SGCG: variants seen among roughly 807,000 people sequenced by gnomAD.
SGCG encodes gamma-sarcoglycan.
SGCG carries 26 observed loss-of-function variants against 29.3 expected under a neutral mutation model. That is an observed-to-expected ratio of 0.89 (90% CI 0.65 to 1.23). The LOEUF (loss-of-function observed/expected upper bound fraction) is 1.23, where lower values mean the gene tolerates loss of function less well. Among genes scored for constraint, SGCG ranks in the 50% most tolerant of loss-of-function variants. The pLI is 0.00. For missense variants in SGCG, 353 were observed against 356.0 expected (o/e 0.99, Z 0.07); for synonymous variants, 145 against 129.7 (o/e 1.12, Z -0.80).
chr13:23,199,107 CAAA>C (rs35004017), intron 1 of SGCG, among the ~76,000 whole-genome samples: 5 of 137,598 alleles, frequency 3.6e-5, no homozygotes, highest in South Asian at 2.3e-4. Context: ...GACTCCGTCT[CAAA>C]AAAAAAAAAA....
At chr13:23,178,152 C>T (rs1387275785), upstream of SGCG, among the ~76,000 whole-genome samples, 1 of 152,112 alleles carries the variant, frequency 6.6e-6, no homozygotes, top group Non-Finnish European at 1.5e-5. Flanking sequence ...CTCTGGCAGT[C>T]CCTAGGTGTG....
intron 3 of SGCG, among the ~76,000 whole-genome samples, chr13:23,242,669 T>A (rs1044080013): frequency 6.6e-6 from 1 of 152,130 alleles, no homozygotes. Context: ...AAAGGCATCA[T>A]TAGCTAATGA....
chr13:23,275,371 C>T (rs1566026603), intron 4 of SGCG, among the ~76,000 whole-genome samples: 1 of 151,644 alleles, frequency 6.6e-6, no homozygotes, highest in African/African-American at 2.4e-5. Flanking sequence ...AAAAGTCAGC[C>T]GGGTGCCTAT....
At chr13:23,171,717 A>G in the SGCG span, among the ~76,000 whole-genome samples, 2 of 152,186 alleles carry the variant, frequency 1.3e-5, no homozygotes, top group Admixed American at 6.5e-5. Context: ...GATGGATGCC[A>G]CCTAGATCCC....
chr13:23,250,001 C>G (rs1357362886), intron 3 of SGCG, among the ~76,000 whole-genome samples: 1 of 152,142 alleles, frequency 6.6e-6, no homozygotes, highest in Non-Finnish European at 1.5e-5. Context: ...CTATTGTTTA[C>G]TGATACATAA....
In SGCG at chr13:23,226,936, C is replaced by T. The variant is rs114025586; in HGVS notation, c.196-7675C>T. The stretch of plus-strand genomic sequence containing the variant: ...TCCTTTTATATGTGGGAAGCTGTCC[C>T]GGAATGAGGCAGCTGGCAAATTTTA... On this transcript the variant is annotated intron_variant, in intron 2 of 7. Coordinates refer to ENST00000218867, the MANE Select transcript of SGCG (RefSeq NM_000231.3). Among the ~76,000 whole-genome samples, 423 of 152,264 alleles carry T rather than the reference C, an allele frequency of 2.8e-3. 4 individuals carry two copies. Among genetic ancestry groups the T allele is most frequent in the African/African-American group, 9.9e-3 (410 of 41,540 alleles).
At chr13:23,246,547 T>C (rs1341000845) in intron 3 of SGCG, 2 of 156,040 alleles carry the variant, frequency 1.3e-5, no homozygotes, top group East Asian at 3.6e-4. Flanking sequence ...GGAGCATCCG[T>C]TGAAAGATGA....
At chr13:23,262,344 A>AT (rs1413788302) in intron 4 of SGCG, among the ~76,000 whole-genome samples, 1 of 152,038 alleles carries the variant, frequency 6.6e-6, no homozygotes, top group East Asian at 1.9e-4. Flanking sequence ...ACAAGTGAGA[A>AT]TGAGTAGCTA....
At chr13:23,183,875 T>A (rs564155987) in intron 1 of SGCG, among the ~76,000 whole-genome samples, 1 of 151,592 alleles carries the variant, frequency 6.6e-6, no homozygotes, top group South Asian at 2.1e-4. Flanking sequence ...ACCATGTTAG[T>A]CAGGATGGTC....
chr13:23,320,870 T>C, intron 7 of SGCG, 110 bp downstream of exon 7: 1 of 1,168,006 alleles, frequency 8.6e-7, no homozygotes. Context: ...AGGAAAACAT[T>C]GTGAAGGTCA....
At chr13:23,319,496 C>T (rs1882954935) in intron 6 of SGCG, among the ~76,000 whole-genome samples, 1 of 152,072 alleles carries the variant, frequency 6.6e-6, no homozygotes, top group Non-Finnish European at 1.5e-5. Context: ...ACTTTGTCTT[C>T]TATAACAAAT....
chr13:23,251,063 T>A (rs1297731092), intron 4 of SGCG, among the ~76,000 whole-genome samples: 1 of 152,228 alleles, frequency 6.6e-6, no homozygotes, highest in African/African-American at 2.4e-5. Flanking sequence ...GACCAGTGGC[T>A]GAGAGCCACG....
At chr13:23,299,417 TATATATATATATATATATATA>T (rs1882036348) in intron 6 of SGCG, among the ~76,000 whole-genome samples, 1 of 4,640 alleles carries the variant, frequency 2.2e-4, no homozygotes, top group Admixed American at 3.3e-3. Context: ...CATATATATA[TATATATATATATATATATATA>T]TATATATATA....
chr13:23,231,329 C>CTTT (rs57796934), intron 2 of SGCG, among the ~76,000 whole-genome samples: 18 of 145,490 alleles, frequency 1.2e-4, no homozygotes, highest in Non-Finnish European at 1.7e-4. Flanking sequence ...CCCTCTTTCT[C>CTTT]TTTTTTTTTT....
At chr13:23,266,451 A>G (rs1019039195) in intron 4 of SGCG, among the ~76,000 whole-genome samples, 4 of 152,134 alleles carry the variant, frequency 2.6e-5, no homozygotes, top group Non-Finnish European at 4.4e-5. Flanking sequence ...GGAATCAAAA[A>G]TCGAATGCCA....
At chr13:23,187,378 C>T (rs1312771269) in intron 1 of SGCG, among the ~76,000 whole-genome samples, 1 of 152,224 alleles carries the variant, frequency 6.6e-6, no homozygotes, top group East Asian at 1.9e-4. Context: ...CCATTCACCA[C>T]CATCCATGAG....
chr13:23,208,162 T>C (rs1316385380), intron 2 of SGCG, among the ~76,000 whole-genome samples: 2 of 152,110 alleles, frequency 1.3e-5, no homozygotes, highest in African/African-American at 4.8e-5. Flanking sequence ...ATATAATTAT[T>C]TACCCAAACT....
At chr13:23,197,092 A>G (rs955292710) in intron 1 of SGCG, among the ~76,000 whole-genome samples, 7 of 151,462 alleles carry the variant, frequency 4.6e-5, no homozygotes, top group Non-Finnish European at 1.0e-4. Context: ...TAGACTCTCC[A>G]TTTTCTTTTA....
chr13:23,184,372 G>GT, intron 1 of SGCG, among the ~76,000 whole-genome samples: 1 of 147,902 alleles, frequency 6.8e-6, no homozygotes, highest in Non-Finnish European at 1.5e-5. Context: ...CAAATTGAAG[G>GT]TTTTTTTTTT....
Sources: allele counts gnomAD v4.1 joint callset (sites outside exome capture counted in the v4.1 genomes callset), GRCh38; gene constraint gnomAD v4.1.1; transcripts MANE v1.5; gene names NCBI Gene and HGNC (gene_info 2026-07-23, HGNC 2026-07-21).